The following CACNA1C variants were observed in gnomAD, a reference collection of about 807,000 sequenced individuals.
CACNA1C encodes the protein calcium voltage-gated channel subunit alpha1 C.
Under a neutral mutation model 229.0 loss-of-function variants are expected in CACNA1C, and 30 were observed. The ratio of observed to expected loss-of-function variants is 0.13; its 90% CI spans 0.10 to 0.18. CACNA1C has a LOEUF of 0.18. CACNA1C is among the 10% of genes least tolerant of loss of function. The pLI is 1.00. For missense variants in CACNA1C, 1,658 were observed against 2,845.0 expected (o/e 0.58, Z 9.49); for synonymous variants, 1,114 against 1,132.5 (o/e 0.98, Z 0.33).
Position 2,566,928 on chromosome 12 carries a change from G to A in CACNA1C, c.1669+346G>A, listed in dbSNP as rs547013026. ...CAGCATGGATTTTAAATACCTGGGG[G>A]CCTTCCTACAGCCCTGAGGTGGCCT... On this transcript the variant is annotated intron_variant, in intron 12 of 46. Transcript: ENST00000399655. This position sits in a 1 kb window ranked among gnomAD's most constrained non-coding sequence, Gnocchi z 4.0. Among the ~76,000 whole-genome samples, 57 of 152,320 alleles carry A rather than the reference G, an allele frequency of 3.7e-4. No individual in the cohort carries two copies. The highest frequency in any genetic ancestry group is 1.4e-3 in the African/African-American group (57 of 41,574).
chr12:2,446,736 GATGGATGA>G (rs1175332032), intron 3 of CACNA1C, among the ~76,000 whole-genome samples: 1 of 150,546 alleles, frequency 6.6e-6, no homozygotes, highest in Non-Finnish European at 1.5e-5. Flanking sequence ...TGGGTGAATG[GATGGATGA>G]ATGGATGAGT....
At chr12:2,256,644 C>T (rs565966277) in intron 3 of CACNA1C, among the ~76,000 whole-genome samples, 21 of 152,234 alleles carry the variant, frequency 1.4e-4, no homozygotes, top group Admixed American at 7.2e-4. Flanking sequence ...GCAGATGGCG[C>T]GTTTCCAGGG....
At chr12:2,222,068 A>T (rs183786408) in intron 3 of CACNA1C, 1 of 152,362 alleles carries the variant, frequency 6.6e-6, no homozygotes, top group East Asian at 1.9e-4. Flanking sequence ...TGATAAGCCA[A>T]TTCAGGGAAC....
intron 5 of CACNA1C, among the ~76,000 whole-genome samples, chr12:2,464,212 A>G (rs1049382005): frequency 2.0e-5 from 3 of 152,158 alleles, no homozygotes; most frequent in African/African-American, 7.2e-5. Flanking sequence ...TAAGACCAGC[A>G]CTAGCCTTGG....
intron 1 of CACNA1C, among the ~76,000 whole-genome samples, chr12:2,044,813 G>A (rs1214170638): frequency 1.3e-5 from 2 of 152,194 alleles, no homozygotes; most frequent in Non-Finnish European, 2.9e-5. Context: ...ACCTGTGTAA[G>A]ACTAGGAACC....
intron 3 of CACNA1C, among the ~76,000 whole-genome samples, chr12:2,445,903 AG>A (rs750072238): frequency 4.6e-5 from 7 of 152,128 alleles, no homozygotes; most frequent in Non-Finnish European, 8.8e-5. Context: ...TCTGTGCTTG[AG>A]TGCTACCTCT....
intron 9 of CACNA1C, among the ~76,000 whole-genome samples, chr12:2,531,259 T>C (rs1419365688): frequency 6.6e-6 from 1 of 152,110 alleles, no homozygotes; most frequent in Non-Finnish European, 1.5e-5. Flanking sequence ...TCCCTCTTTC[T>C]CTTTTGTCAG....
rs1598001246 is a variant in CACNA1C, at chr12:2,493,725, C to T, written c.1113+339C>T. Among the ~76,000 whole-genome samples the T allele has an allele frequency of 6.6e-6, 1 of 152,324 alleles. No homozygotes were observed. The highest frequency in any genetic ancestry group is 1.9e-4 in the East Asian group (1 of 5,162). On this transcript the variant is annotated intron_variant, in intron 7 of 46. Coordinates refer to ENST00000399655, the MANE Select transcript of CACNA1C (RefSeq NM_000719.7). The surrounding 1 kb of genome is among the most constrained non-coding windows in gnomAD (Gnocchi z 4.6). ...CTCCTCCTCCCATGCAGAGTTCCTT[C>T]TGCCCTCATCCTTTTCTTGCCTCTT... is the stretch of plus-strand genomic sequence containing the variant.
intron 1 of CACNA1C, among the ~76,000 whole-genome samples, chr12:2,046,200 T>C (rs765240090): frequency 2.6e-5 from 4 of 152,172 alleles, no homozygotes; most frequent in Non-Finnish European, 4.4e-5. Flanking sequence ...ACTGAATACA[T>C]GTGGGAACGG....
chr12:2,222,543 T>C (rs1227734789), intron 3 of CACNA1C: 6 of 152,224 alleles, frequency 3.9e-5, no homozygotes, highest in African/African-American at 1.4e-4. Context: ...ACAATGTAAA[T>C]ATTAATATTT....
rs543555345 is a variant in CACNA1C at position 2,593,245 on chromosome 12, G to A, written c.2563G>A (p.Val855Ile). The A allele has an allele frequency of 1.2e-6, 2 of 1,613,764 alleles. No individual in the cohort carries two copies. The highest frequency in any genetic ancestry group is 2.7e-5 in the African/African-American group (2 of 75,056). The change falls in exon 19 of 47, where the codon GTC (valine) becomes ATC (isoleucine). Residue 855 changes from valine to isoleucine, a missense_variant. Physicochemically the swap from Val to Ile is conservative, Grantham distance 29 (BLOSUM62 3). Around this residue, in one of 20 missense-constraint regions of CACNA1C, gnomAD observed 121 missense variants for 128.8 expected, o/e 0.94. Transcript: ENST00000399655. ...EEDEEEPEMPVGPRPRPLSEL... is the reference protein window; with the variant it reads ...EEDEEEPEMPIGPRPRPLSEL... ...GGATGAGGAGGAGCCAGAGATGCCT[G>A]TCGGCCCTCGCCCACGACCACTCTC...
Position 2,651,820 on chromosome 12 carries a change from GC to G in CACNA1C, c.4074+55del. On this transcript the variant is annotated intron_variant, in intron 32 of 46. Transcript: ENST00000399655. The surrounding 1 kb of genome is among the most constrained non-coding windows in gnomAD (Gnocchi z 5.4). ...CGGGGAATCGCAGGGCTGCCGCGTGGCCCAGAACACAGCTGACACAAGGAGG... is the reference window on the plus strand; with the variant it reads ...CGGGGAATCGCAGGGCTGCCGCGTGGCCAGAACACAGCTGACACAAGGAGG... 1 of 1,448,388 alleles carries G rather than the reference GC, an allele frequency of 6.9e-7. No homozygotes were observed. The highest frequency in any genetic ancestry group is 9.4e-7 in the Non-Finnish European group (1 of 1,060,928). The allele number at this position is 1,448,388 out of a possible 1,614,324, so 89.7% of individuals were successfully genotyped here. A position where few individuals can be genotyped will look rare whatever the true frequency, so the allele number is the denominator to read the frequency against.
rs1267424726 is a variant in CACNA1C at position 2,611,900 on chromosome 12, C to T, written c.3718-3C>T. 9.4e-6 allele frequency: 15 copies of T among 1,594,762 alleles called. No individual in the cohort carries two copies. Among genetic ancestry groups the T allele is most frequent in the African/African-American group, 2.7e-5 (2 of 74,528 alleles). ...TCACAGCTCCTCCCCTCTCCTGATG[C>T]AGCACTACGGCCAGAGCTGCCTGTT... is the stretch of plus-strand genomic sequence containing the variant. On this transcript the variant is annotated splice_polypyrimidine_tract_variant and splice_region_variant and intron_variant, in intron 28 of 46. Transcript: ENST00000399655.
intron 1 of CACNA1C, among the ~76,000 whole-genome samples, chr12:2,042,986 G>A (rs749474550): frequency 2.0e-5 from 3 of 152,152 alleles, no homozygotes; most frequent in Non-Finnish European, 4.4e-5. Flanking sequence ...TACTTTAAGA[G>A]GAAGACGTGT....
chr12:2,285,216 A>G lies in CACNA1C; in HGVS notation c.478-163760A>G, dbSNP rs1011132950. Among the ~76,000 whole-genome samples the G allele has an allele frequency of 2.6e-5, 4 of 152,146 alleles. No homozygotes were observed. The highest frequency in any genetic ancestry group is 5.9e-5 in the Non-Finnish European group (4 of 68,026). ...CTCTTCCTTGGGTCAAGCGGGTGGGAAGGGCTCATGATTGCTGACTGAACT... is the reference window on the plus strand; with the variant it reads ...CTCTTCCTTGGGTCAAGCGGGTGGGGAGGGCTCATGATTGCTGACTGAACT... On this transcript the variant is annotated intron_variant, in intron 3 of 46. Coordinates refer to ENST00000399655, the MANE Select transcript of CACNA1C (RefSeq NM_000719.7). The surrounding 1 kb of genome is among the most constrained non-coding windows in gnomAD (Gnocchi z 4.2).
chr12:2,441,098 T>G (rs1426877464), intron 3 of CACNA1C, among the ~76,000 whole-genome samples: 1 of 152,226 alleles, frequency 6.6e-6, no homozygotes, highest in Non-Finnish European at 1.5e-5. Flanking sequence ...GATTGTCTTT[T>G]GCACCTTGTA....
In CACNA1C at chr12:2,602,133, T is replaced by G. The variant is rs1302695987; in HGVS notation, c.2960+173T>G. On this transcript the variant is annotated intron_variant, in intron 22 of 46. Coordinates refer to ENST00000399655, the MANE Select transcript of CACNA1C (RefSeq NM_000719.7). The surrounding 1 kb of genome is among the most constrained non-coding windows in gnomAD (Gnocchi z 4.4). ...TGGGTTCTTGGTTCTGTGTCCTCAGTGGTCTGATACTTGGGGCACGTTGAT... is the reference window on the plus strand; with the variant it reads ...TGGGTTCTTGGTTCTGTGTCCTCAGGGGTCTGATACTTGGGGCACGTTGAT... Among the ~76,000 whole-genome samples, 4 of 152,210 alleles carry G rather than the reference T, an allele frequency of 2.6e-5. No homozygotes were observed. The highest frequency in any genetic ancestry group is 2.6e-4 in the Admixed American group (4 of 15,284).
chr12:2,261,325 A>G (rs1477284959), intron 3 of CACNA1C, among the ~76,000 whole-genome samples: 1 of 152,226 alleles, frequency 6.6e-6, no homozygotes, highest in African/African-American at 2.4e-5. Flanking sequence ...TAAAACAAAA[A>G]AACAGAAGAG....
Position 2,078,145 on chromosome 12 carries a change from C to G in CACNA1C, c.49+24534C>G, listed in dbSNP as rs1476204473. Among the ~76,000 whole-genome samples, 4 of 152,052 alleles carry G rather than the reference C, an allele frequency of 2.6e-5. No individual in the cohort carries two copies. The East Asian group carries it at 7.7e-4, about 29-fold the overall frequency. On this transcript the variant is annotated intron_variant, in intron 1 of 46. Transcript: ENST00000399655. Reference sequence around the variant, plus strand: ...GGGCCTTCCTGATGGGATTAGTGCCCTTAGAAGAAGAAACACCAGAGAGCT... The same window carrying G: ...GGGCCTTCCTGATGGGATTAGTGCCGTTAGAAGAAGAAACACCAGAGAGCT...
Sources: allele counts gnomAD v4.1 joint callset (sites outside exome capture counted in the v4.1 genomes callset), GRCh38; gene constraint gnomAD v4.1.1; regional missense constraint gnomAD v4.1.1; non-coding constraint Gnocchi (gnomAD v3.1); transcripts MANE v1.5; gene names NCBI Gene and HGNC (gene_info 2026-07-23, HGNC 2026-07-21).